ELL2: variants seen among roughly 807,000 people sequenced by gnomAD.
The protein encoded by ELL2 is elongation factor for RNA polymerase II 2.
Under a neutral mutation model 72.8 loss-of-function variants are expected in ELL2, and 21 were observed. The observed-to-expected ratio is 0.29, with a 90% CI of 0.20 to 0.42. ELL2 has a LOEUF of 0.42. Among genes scored for constraint, ELL2 ranks in the 10% least tolerant of loss-of-function variants. The probability of loss-of-function intolerance (pLI) is 1.00; values close to 1 mark genes in which losing one functional copy is unlikely to be tolerated. For synonymous variants in ELL2, 266 were observed against 283.2 expected (o/e 0.94, Z 0.61); for missense variants, 568 against 772.8 (o/e 0.73, Z 3.14).
At chr5:95,955,131 G>A (rs1751582802) in intron 1 of ELL2, among the ~76,000 whole-genome samples, 1 of 151,996 alleles carries the variant, frequency 6.6e-6, no homozygotes, top group South Asian at 2.1e-4. Context: ...TGTTTCTGCT[G>A]GAGATGTGGT....
At chr5:95,891,451 T>C (rs1350656973) in intron 9 of ELL2, among the ~76,000 whole-genome samples, 177 bp from the exon 10 acceptor site, 1 of 152,182 alleles carries the variant, frequency 6.6e-6, no homozygotes, top group Non-Finnish European at 1.5e-5. Context: ...GGTAAAATTA[T>C]TACACAGAGT....
chr5:95,927,761 A>C (rs1220996930), intron 2 of ELL2, among the ~76,000 whole-genome samples: 1 of 93,610 alleles, frequency 1.1e-5, no homozygotes, highest in African/African-American at 6.9e-5. Context: ...GTGTATATAG[A>C]CATACACACA....
intron 2 of ELL2, among the ~76,000 whole-genome samples, chr5:95,935,563 C>A (rs1281675403): frequency 2.6e-5 from 4 of 152,062 alleles, no homozygotes; most frequent in Admixed American, 6.6e-5. Flanking sequence ...ATAATTAAAC[C>A]CAATAAAATG....
At chr5:95,927,275 T>C (rs1750317415) in intron 2 of ELL2, among the ~76,000 whole-genome samples, 1 of 150,092 alleles carries the variant, frequency 6.7e-6, no homozygotes, top group Admixed American at 6.6e-5. Context: ...ACATACTAAA[T>C]ATAAGGAATG....
intron 1 of ELL2, among the ~76,000 whole-genome samples, chr5:95,958,572 C>G (rs1032266072): frequency 5.9e-5 from 9 of 152,192 alleles, no homozygotes; most frequent in Admixed American, 3.9e-4. Context: ...GCTTGCTTGT[C>G]CACACCCCTT....
intron 1 of ELL2, among the ~76,000 whole-genome samples, chr5:95,954,588 T>C (rs948874877): frequency 8.6e-6 from 1 of 116,944 alleles, no homozygotes; most frequent in Non-Finnish European, 1.6e-5. Context: ...CTTTTCTTTT[T>C]TTTTTTTCTT....
intron 5 of ELL2, among the ~76,000 whole-genome samples, chr5:95,904,398 A>G (rs989553237): frequency 2.0e-5 from 3 of 152,324 alleles, no homozygotes. Flanking sequence ...TTTTCCATAA[A>G]AGGTCATTCT....
In ELL2 at chr5:95,955,755, G is replaced by T. The variant is rs560608669; in HGVS notation, c.147+5820C>A. On this transcript the variant is annotated intron_variant, in intron 1 of 11. Coordinates refer to ENST00000237853, the MANE Select transcript of ELL2 (RefSeq NM_012081.6). ...TTATATACATGTTGTTTTCTTTATT[G>T]TAAGACTTAGTTCATCTTCAGTGTA... 1.6e-4 allele frequency among the ~76,000 whole-genome samples: 24 copies of T among 152,166 alleles called. No homozygotes were observed. The South Asian group carries it at 5.0e-3, about 32-fold the overall frequency.
chr5:95,944,213 T>C (rs1751073175), intron 1 of ELL2, among the ~76,000 whole-genome samples: 1 of 152,184 alleles, frequency 6.6e-6, no homozygotes, highest in African/African-American at 2.4e-5. Context: ...GAAATAAAGA[T>C]AAGAACTTCT....
chr5:95,938,446 CG>C (rs1750855638), intron 2 of ELL2, among the ~76,000 whole-genome samples: 1 of 152,114 alleles, frequency 6.6e-6, no homozygotes, highest in African/African-American at 2.4e-5. Context: ...AAATTAGGCC[CG>C]GTATGGTGCT....
rs1352568004 is a variant in ELL2, at chr5:95,887,513, C to T, written c.*1358G>A. ...TTCAACTGGCAGCACTTTGAAAAGA[C>T]AATACAATAAGACAATACAACTTGA... On this transcript the variant is annotated 3_prime_UTR_variant, in exon 12 of 12. Transcript: ENST00000237853. The T allele has an allele frequency of 6.6e-6, 1 of 152,576 alleles. No homozygotes were observed. Among genetic ancestry groups the T allele is most frequent in the Non-Finnish European group, 1.5e-5 (1 of 68,014 alleles). 9.5% of individuals were successfully genotyped at this position (152,576 alleles called of 1,614,324 possible).
At chr5:95,909,333 C>T (rs766429617) in intron 4 of ELL2, among the ~76,000 whole-genome samples, 2 of 152,166 alleles carry the variant, frequency 1.3e-5, no homozygotes, top group African/African-American at 2.4e-5. Flanking sequence ...GGGGTTAACT[C>T]ATATTTCATT....
rs138851699 is a variant in ELL2, at chr5:95,904,968, T to G, written c.741+1555A>C. Among the ~76,000 whole-genome samples the G allele has an allele frequency of 9.9e-4, 151 of 152,292 alleles. 1 individual carries two copies. The East Asian group carries it at 0.026, about 27-fold the overall frequency. On this transcript the variant is annotated intron_variant, in intron 5 of 11. Transcript: ENST00000237853. The stretch of plus-strand genomic sequence containing the variant: ...CAAAAAATGGTCGATGTTGTTAGCC[T>G]TTCTGTGTTTTCACTAGGCCAGTGG...
chr5:95,911,343 C>CTT lies in ELL2; in HGVS notation c.481+2426_481+2427dup, dbSNP rs141460387. ...TCCCCTGTATTCAGAAATGATCACA[C>CTT]TTTTTTTTTTTTTGAGACGGAGTCT... On this transcript the variant is annotated intron_variant, in intron 4 of 11. Coordinates refer to ENST00000237853, the MANE Select transcript of ELL2 (RefSeq NM_012081.6). Among the ~76,000 whole-genome samples the CTT allele has an allele frequency of 2.2e-3, 321 of 146,402 alleles. 2 individuals carry two copies. Among genetic ancestry groups the CTT allele is most frequent in the African/African-American group, 3.5e-3 (139 of 40,032 alleles).
rs529515288 is a variant in ELL2, at chr5:95,891,265, G to A, written c.1599C>T (p.Ile533=). The change falls in exon 10 of 12, where the codon ATC becomes ATT. Residue 533 remains isoleucine (I), a synonymous_variant. Coordinates refer to ENST00000237853, the MANE Select transcript of ELL2 (RefSeq NM_012081.6). ...IELPDYLIKY[I]AIVSYEQRQN... is the part of the protein sequence containing the mutation. Reference sequence around the variant, plus strand: ...GGCGTTGCTCATAGGAGACGATAGCGATATATTTTCTAATAAGAAAAAAGA... The same window carrying A: ...GGCGTTGCTCATAGGAGACGATAGCAATATATTTTCTAATAAGAAAAAAGA... 223 of 1,601,384 alleles carry A rather than the reference G, an allele frequency of 1.4e-4. No individual in the cohort carries two copies. In the South Asian group the frequency reaches 2.1e-3, roughly 15 times the overall value.
At chr5:95,940,153 C>T (rs1750919030) in intron 2 of ELL2, among the ~76,000 whole-genome samples, 1 of 152,182 alleles carries the variant, frequency 6.6e-6, no homozygotes, top group African/African-American at 2.4e-5. Context: ...ATCTAATTTT[C>T]TGAGCACCTT....
chr5:95,950,344 C>T (rs1561514954), intron 1 of ELL2, among the ~76,000 whole-genome samples: 1 of 152,028 alleles, frequency 6.6e-6, no homozygotes, highest in Non-Finnish European at 1.5e-5. Flanking sequence ...CCAAAGAAGA[C>T]TATTTAATAA....
chr5:95,901,090 G>C lies in ELL2; in HGVS notation c.742-10C>G. On this transcript the variant is annotated splice_polypyrimidine_tract_variant and intron_variant, in intron 5 of 11. Transcript: ENST00000237853. ...AATTCAGATTGGCTACCTAGTATGA[G>C]GTATAAAAACAGAGCATTAGGTATT... The C allele has an allele frequency of 6.3e-7, 1 of 1,594,962 alleles. No homozygotes were observed. The highest frequency in any genetic ancestry group is 8.5e-7 in the Non-Finnish European group (1 of 1,174,870).
In ELL2 at chr5:95,901,016, T is replaced by C; in HGVS notation, c.806A>G (p.Gln269Arg). The change falls in exon 6 of 12, where the codon CAA becomes CGA. Residue 269 changes from glutamine (Q) to arginine (R), a missense_variant. Transcript: ENST00000237853. ...TLKDYVFKEL[Q>R]RDWPGYSEID... ...TTCACTGTATCCAGGCCAGTCTCTT[T>C]GAAGCTCTTTAAAAACATAATCCTT... 1 of 1,613,930 alleles carries C rather than the reference T, an allele frequency of 6.2e-7. No individual in the cohort carries two copies. The highest frequency in any genetic ancestry group is 8.5e-7 in the Non-Finnish European group (1 of 1,179,930).
Sources: gnomAD v4.1 joint callset for allele counts (sites outside exome capture counted in the v4.1 genomes callset) on GRCh38, gnomAD v4.1.1 for gene constraint, MANE v1.5 for transcripts, NCBI Gene and HGNC (gene_info 2026-07-23, HGNC 2026-07-21) for gene names.